TRMT11: variants seen among roughly 807,000 people sequenced by gnomAD.
TRMT11 encodes the protein tRNA methyltransferase 11.
In TRMT11, 53 loss-of-function variants were observed where a neutral mutation model predicts 62.8. That is an observed-to-expected ratio of 0.84 (90% confidence interval 0.68 to 1.06). The LOEUF (loss-of-function observed/expected upper bound fraction) is 1.06, where lower values mean the gene tolerates loss of function less well. Among genes scored for constraint, TRMT11 ranks in the 50% least tolerant of loss-of-function variants. TRMT11 has a pLI of 0.00. For missense variants in TRMT11, 556 were observed against 553.4 expected (o/e 1.00, Z -0.05); for synonymous variants, 188 against 190.3 (o/e 0.99, Z 0.10).
chr6:126,222,525 T>C, the TRMT11 span, among the ~76,000 whole-genome samples: 1 of 152,216 alleles, frequency 6.6e-6, no homozygotes, highest in Non-Finnish European at 1.5e-5. Flanking sequence ...ATTTTCATTG[T>C]AGAGATGTTT....
At chr6:126,065,776 C>A (rs1260117990) in intron 17 of TRMT11, among the ~76,000 whole-genome samples, 1 of 152,138 alleles carries the variant, frequency 6.6e-6, no homozygotes. Context: ...TACTCTTGGG[C>A]AAGTTGCTTT....
intron 17 of TRMT11, among the ~76,000 whole-genome samples, chr6:126,055,233 A>G (rs901403423): frequency 6.6e-6 from 1 of 152,130 alleles, no homozygotes; most frequent in South Asian, 2.1e-4. Flanking sequence ...CCAAAGTGCT[A>G]TGATTACAGG....
At chr6:126,093,795 A>G (rs1777309781) in intron 17 of TRMT11, among the ~76,000 whole-genome samples, 1 of 151,298 alleles carries the variant, frequency 6.6e-6, no homozygotes, top group South Asian at 2.1e-4. Flanking sequence ...GTACATGTAT[A>G]CACTCTAAAA....
At chr6:126,221,747 T>C in the TRMT11 span, among the ~76,000 whole-genome samples, 1 of 152,218 alleles carries the variant, frequency 6.6e-6, no homozygotes, top group Non-Finnish European at 1.5e-5. Flanking sequence ...ATAGTTCCTT[T>C]TGCTGCATAC....
chr6:126,242,750 G>C, the TRMT11 span, among the ~76,000 whole-genome samples: 1 of 152,234 alleles, frequency 6.6e-6, no homozygotes, highest in East Asian at 1.9e-4. Context: ...GCTGAAACTG[G>C]ACCCCTTCCT....
At chr6:126,067,654 A>G (rs182455904) in intron 17 of TRMT11, among the ~76,000 whole-genome samples, 1 of 152,328 alleles carries the variant, frequency 6.6e-6, no homozygotes, top group East Asian at 1.9e-4. Context: ...ATTCTTTTAC[A>G]TGTTTCCTGG....
At chr6:126,181,530 A>G (rs970012733) in intron 1 of TRMT11, among the ~76,000 whole-genome samples, 3 of 152,126 alleles carry the variant, frequency 2.0e-5, no homozygotes, top group African/African-American at 7.2e-5. Context: ...AGATTCCTAC[A>G]TATCAAAGGG....
intron 17 of TRMT11, among the ~76,000 whole-genome samples, chr6:126,080,598 C>A (rs1295079417): frequency 6.6e-6 from 1 of 152,082 alleles, no homozygotes; most frequent in Non-Finnish European, 1.5e-5. Context: ...CTCAAAGAGG[C>A]CTGTAGCTAT....
intron 17 of TRMT11, among the ~76,000 whole-genome samples, chr6:126,068,200 A>G (rs912173580): frequency 3.9e-5 from 6 of 152,094 alleles, no homozygotes; most frequent in African/African-American, 1.4e-4. Flanking sequence ...AATATTCTGC[A>G]TATGAGCCTT....
At chr6:126,139,154 T>A (rs1416083361) in intron 21 of TRMT11, among the ~76,000 whole-genome samples, 2 of 151,936 alleles carry the variant, frequency 1.3e-5, no homozygotes, top group Admixed American at 1.3e-4. Flanking sequence ...AATATAGAAG[T>A]AGCTGAAACT....
the TRMT11 span, among the ~76,000 whole-genome samples, chr6:126,265,256 G>C: frequency 6.6e-6 from 1 of 152,058 alleles, no homozygotes; most frequent in Non-Finnish European, 1.5e-5. Flanking sequence ...TGTGAAGACA[G>C]ATTCACTTCA....
chr6:126,039,941 T>C (rs1481236535), downstream of TRMT11, among the ~76,000 whole-genome samples: 1 of 152,128 alleles, frequency 6.6e-6, no homozygotes, highest in Non-Finnish European at 1.5e-5. Flanking sequence ...CTCTTTTTCT[T>C]GTCTTGCAGT....
At chr6:126,158,288 T>C (rs2128226857) in intron 21 of TRMT11, among the ~76,000 whole-genome samples, 1 of 152,344 alleles carries the variant, frequency 6.6e-6, no homozygotes, top group South Asian at 2.1e-4. Context: ...CCTGGACTGT[T>C]TGACCTGTAA....
At chr6:126,243,639 A>G in the TRMT11 span, among the ~76,000 whole-genome samples, 44 of 152,218 alleles carry the variant, frequency 2.9e-4, no homozygotes, top group Non-Finnish European at 4.3e-4. Context: ...TTGTAGGGAC[A>G]TGGATGAAGC....
chr6:126,182,221 G>C (rs1004641612), intron 1 of TRMT11, among the ~76,000 whole-genome samples: 1 of 152,146 alleles, frequency 6.6e-6, no homozygotes, highest in Non-Finnish European at 1.5e-5. Flanking sequence ...GACTTTTCAG[G>C]GTTGAGGGAA....
At chr6:126,025,672 G>A (rs1284893041) in intron 12 of TRMT11, among the ~76,000 whole-genome samples, 2 of 152,138 alleles carry the variant, frequency 1.3e-5, no homozygotes, top group Non-Finnish European at 2.9e-5. Context: ...TGCAAGTGGT[G>A]ACATAAAATT....
At chr6:126,077,564 G>A (rs1777055485) in intron 17 of TRMT11, among the ~76,000 whole-genome samples, 1 of 152,134 alleles carries the variant, frequency 6.6e-6, no homozygotes, top group South Asian at 2.1e-4. Flanking sequence ...ATTACCTCAA[G>A]TAATCTGCCT....
At chr6:126,243,451 G>T in the TRMT11 span, among the ~76,000 whole-genome samples, 5 of 152,176 alleles carry the variant, frequency 3.3e-5, no homozygotes, top group Middle Eastern at 3.4e-3. Flanking sequence ...ACCCAAAGGA[G>T]TATAAATCAT....
intron 21 of TRMT11, among the ~76,000 whole-genome samples, chr6:126,146,476 A>G (rs1484015586): frequency 2.0e-5 from 3 of 152,124 alleles, no homozygotes; most frequent in African/African-American, 4.8e-5. Context: ...ATGAGGTTTT[A>G]ATAGCATCTA....
Sources: allele counts gnomAD v4.1 joint callset (sites outside exome capture counted in the v4.1 genomes callset), GRCh38; gene constraint gnomAD v4.1.1; transcripts MANE v1.5; gene names NCBI Gene and HGNC (gene_info 2026-07-23, HGNC 2026-07-21).